Variants in DGKB observed in about 807,000 individuals in gnomAD.
DGKB encodes diacylglycerol kinase beta.
Under a neutral mutation model 114.3 loss-of-function variants are expected in DGKB, and 67 were observed. That is an observed-to-expected ratio of 0.59 (90% confidence interval 0.48 to 0.72). The LOEUF is 0.72. DGKB is among the 30% of genes least tolerant of loss of function. The pLI is 0.00. For synonymous variants in DGKB, 398 were observed against 323.1 expected (o/e 1.23, Z -2.49); for missense variants, 907 against 975.2 (o/e 0.93, Z 0.93).
At chr7:14,631,855 G>T (rs1314227842) in intron 13 of DGKB, among the ~76,000 whole-genome samples, 1 of 151,918 alleles carries the variant, frequency 6.6e-6, no homozygotes, top group Non-Finnish European at 1.5e-5. Flanking sequence ...ATACAAGTTT[G>T]TTCTTCAAAT....
At chr7:14,621,287 A>G (rs1421414434) in intron 15 of DGKB, 91 bp downstream of exon 15, 1 of 736,258 alleles carries the variant, frequency 1.4e-6, no homozygotes, top group African/African-American at 1.8e-5. Context: ...TGCAGATTAA[A>G]CAAATGTGTT....
intron 2 of DGKB, among the ~76,000 whole-genome samples, chr7:14,801,863 T>C (rs1842192416): frequency 6.6e-6 from 1 of 151,816 alleles, no homozygotes; most frequent in Non-Finnish European, 1.5e-5. Flanking sequence ...TATATACATG[T>C]ATATATATAC....
chr7:14,798,603 G>A (rs2128041722), intron 2 of DGKB, among the ~76,000 whole-genome samples: 1 of 152,190 alleles, frequency 6.6e-6, no homozygotes, highest in South Asian at 2.1e-4. Context: ...AGTACACTGG[G>A]GAAAAGAAAA....
At chr7:14,719,983 A>T (rs1035980114) in intron 5 of DGKB, among the ~76,000 whole-genome samples, 1 of 152,160 alleles carries the variant, frequency 6.6e-6, no homozygotes, top group African/African-American at 2.4e-5. Context: ...ATAACCAGCA[A>T]GACAAATCCA....
intron 5 of DGKB, among the ~76,000 whole-genome samples, chr7:14,735,322 T>C (rs78305085): frequency 0.05 from 7,561 of 152,224 alleles, 595 homozygotes; most frequent in African/African-American, 0.17. Flanking sequence ...CAAGGAATCC[T>C]TTCCTCAGGG....
In DGKB at chr7:14,723,165, G is replaced by A. The variant is rs73682505; in HGVS notation, c.323-4480C>T. Among the ~76,000 whole-genome samples the A allele has an allele frequency of 7.1e-3, 1,080 of 152,134 alleles. 12 individuals are homozygous for A. Among genetic ancestry groups the A allele is most frequent in the African/African-American group, 0.025 (1,051 of 41,486 alleles). The stretch of plus-strand genomic sequence containing the variant: ...ATCTAATGGTTATTCAGAAGCTTAG[G>A]AGACAACATGTACGGCAACCAAAAA... On this transcript the variant is annotated intron_variant, in intron 5 of 25. Coordinates refer to ENST00000402815, the MANE Select transcript of DGKB (RefSeq NM_001350709.2).
intron 21 of DGKB, among the ~76,000 whole-genome samples, chr7:14,392,058 C>T (rs1282959647): frequency 6.6e-6 from 1 of 152,028 alleles, no homozygotes; most frequent in Non-Finnish European, 1.5e-5. Context: ...CATGTGTTTT[C>T]CAAAACAATT....
chr7:14,796,129 A>T (rs1841373970), intron 2 of DGKB, among the ~76,000 whole-genome samples: 1 of 152,224 alleles, frequency 6.6e-6, no homozygotes, highest in Non-Finnish European at 1.5e-5. Flanking sequence ...CTTTACAAAA[A>T]GTTGATGGGT....
chr7:14,768,569 T>C (rs1836814528), intron 2 of DGKB, among the ~76,000 whole-genome samples: 1 of 146,844 alleles, frequency 6.8e-6, no homozygotes, highest in Non-Finnish European at 1.5e-5. Flanking sequence ...TATCAGTACC[T>C]CCAGTGATAT....
intron 2 of DGKB, among the ~76,000 whole-genome samples, chr7:14,834,663 G>C (rs1200202374): frequency 6.6e-6 from 1 of 152,152 alleles, no homozygotes; most frequent in Non-Finnish European, 1.5e-5. Context: ...GATTGGAAAT[G>C]TAATATGAGC....
chr7:14,844,849 G>A (rs911686988), intron 1 of DGKB, among the ~76,000 whole-genome samples: 1 of 152,136 alleles, frequency 6.6e-6, no homozygotes, highest in Non-Finnish European at 1.5e-5. Context: ...GCTCAAGCCT[G>A]TAATCCCAGC....
intron 20 of DGKB, among the ~76,000 whole-genome samples, chr7:14,501,508 A>G (rs977016620): frequency 6.6e-6 from 1 of 151,968 alleles, no homozygotes; most frequent in African/African-American, 2.4e-5. Context: ...GTGAGAAGGC[A>G]GCAGGTGGAG....
intron 2 of DGKB, among the ~76,000 whole-genome samples, chr7:14,832,762 T>A (rs1056200692): frequency 6.6e-6 from 1 of 152,102 alleles, no homozygotes; most frequent in Non-Finnish European, 1.5e-5. Context: ...TTCATCTCCA[T>A]CCTTCTCTCC....
Position 14,151,566 on chromosome 7 carries a change from T to C in DGKB, c.2305-2328A>G, listed in dbSNP as rs1016564872. ...GGGACCTTTAATCTATGTGACTAAG[T>C]AAAACACAAGTTCTAGTTTGCAGTC... On this transcript the variant is annotated intron_variant, in intron 25 of 25. Coordinates refer to ENST00000402815, the MANE Select transcript of DGKB (RefSeq NM_001350709.2). Among the ~76,000 whole-genome samples the C allele has an allele frequency of 2.0e-5, 3 of 152,208 alleles. No homozygotes were observed. The East Asian group carries it at 5.8e-4, about 29-fold the overall frequency.
intron 1 of DGKB, among the ~76,000 whole-genome samples, chr7:14,950,202 GACTCATCCCTT>G (rs71549903): frequency 0.54 from 81,840 of 151,358 alleles, 24,325 homozygotes; most frequent in East Asian, 0.88. Context: ...AGAAAAACAT[GACTCATCCCTT>G]ACTCATCTCT....
Position 14,583,720 on chromosome 7 carries a change from C to G in DGKB, c.1434-583G>C, listed in dbSNP as rs79774754. ...TGACCTGGTTGACAGTGTTTTCCAC[C>G]CAGGAACACTCTAGCCTAATTGCTG... On this transcript the variant is annotated intron_variant, in intron 17 of 25. Transcript: ENST00000402815. Among the ~76,000 whole-genome samples, 760 of 152,212 alleles carry G rather than the reference C, an allele frequency of 5.0e-3. 11 individuals are homozygous for G. The highest frequency in any genetic ancestry group is 0.018 in the African/African-American group (738 of 41,536).
chr7:14,706,969 A>T (rs988202297), intron 6 of DGKB, among the ~76,000 whole-genome samples: 2 of 148,884 alleles, frequency 1.3e-5, no homozygotes, highest in Non-Finnish European at 3.0e-5. Context: ...CTAAAATCAG[A>T]GCAGAACTGA....
At chr7:14,351,996 G>A (rs981344550) in intron 21 of DGKB, among the ~76,000 whole-genome samples, 3 of 152,006 alleles carry the variant, frequency 2.0e-5, no homozygotes, top group Non-Finnish European at 2.9e-5. Flanking sequence ...TATTCACACC[G>A]AAGAAGGCAA....
chr7:14,782,461 T>A (rs1390436581), intron 2 of DGKB, among the ~76,000 whole-genome samples: 1 of 152,248 alleles, frequency 6.6e-6, no homozygotes, highest in Non-Finnish European at 1.5e-5. Context: ...GTGATAATTT[T>A]ATTTTTTTCA....
Sources: allele counts gnomAD v4.1 joint callset (sites outside exome capture counted in the v4.1 genomes callset), GRCh38; gene constraint gnomAD v4.1.1; transcripts MANE v1.5; gene names NCBI Gene and HGNC (gene_info 2026-07-23, HGNC 2026-07-21).